The following ELP4 variants were observed in gnomAD, a reference collection of about 807,000 sequenced individuals.
ELP4 encodes elongator acetyltransferase complex subunit 4.
A neutral mutation model predicts 48.9 loss-of-function variants in ELP4; 51 were observed. The observed-to-expected ratio is 1.04, with a 90% CI of 0.83 to 1.32. ELP4 has a LOEUF of 1.32. Among genes scored for constraint, ELP4 ranks in the 40% most tolerant of loss-of-function variants. The pLI is 0.00. For synonymous variants in ELP4, 210 were observed against 189.2 expected, an observed-to-expected ratio of 1.11 and a Z score of -0.90; for missense variants, 519 against 514.6, an observed-to-expected ratio of 1.01 and a Z score of -0.08.
chr11:31,771,030 G>C (rs1227444398), intron 9 of ELP4, among the ~76,000 whole-genome samples: 1 of 152,156 alleles, frequency 6.6e-6, no homozygotes, highest in Non-Finnish European at 1.5e-5. Context: ...TTGCTGTGTA[G>C]CCAAAAGATT....
chr11:31,761,397 T>A (rs1248496993), intron 9 of ELP4, among the ~76,000 whole-genome samples: 1 of 152,128 alleles, frequency 6.6e-6, no homozygotes, highest in Non-Finnish European at 1.5e-5. Context: ...ACTCATTTTT[T>A]AACTATACCC....
intron 3 of ELP4, among the ~76,000 whole-genome samples, chr11:31,547,565 G>A (rs1028825087): frequency 7.2e-5 from 11 of 152,060 alleles, no homozygotes; most frequent in Admixed American, 2.0e-4. Context: ...GTACAAGGAG[G>A]AACTGGTACC....
intron 5 of ELP4, 77 bp downstream of exon 5, chr11:31,603,984 G>A: frequency 8.3e-7 from 1 of 1,205,138 alleles, no homozygotes; most frequent in Non-Finnish European, 1.2e-6. Context: ...ATTTTTGAAA[G>A]AATACACATC....
intron 3 of ELP4, among the ~76,000 whole-genome samples, chr11:31,575,594 G>A (rs988889018): frequency 5.3e-5 from 8 of 152,158 alleles, no homozygotes; most frequent in Non-Finnish European, 7.3e-5. Context: ...CTGATCTCTC[G>A]GCAGACATTC....
intron 9 of ELP4, among the ~76,000 whole-genome samples, chr11:31,777,497 G>T (rs1001764125): frequency 9.2e-5 from 14 of 152,180 alleles, no homozygotes; most frequent in Admixed American, 3.3e-4. Context: ...TGATCATTTT[G>T]CTGTGGCCCT....
chr11:31,750,243 C>A (rs1482108371), intron 9 of ELP4, among the ~76,000 whole-genome samples: 1 of 151,998 alleles, frequency 6.6e-6, no homozygotes, highest in Non-Finnish European at 1.5e-5. Flanking sequence ...TTGTTGCTGG[C>A]AGAATATCAC....
intron 3 of ELP4, among the ~76,000 whole-genome samples, chr11:31,546,536 G>C (rs540934973): frequency 1.3e-5 from 2 of 152,114 alleles, no homozygotes; most frequent in East Asian, 3.9e-4. Flanking sequence ...ATTAATAGTG[G>C]GAGATTTTAA....
intron 9 of ELP4, among the ~76,000 whole-genome samples, chr11:31,708,486 T>A (rs183688379): frequency 1.3e-5 from 2 of 152,298 alleles, no homozygotes; most frequent in Admixed American, 6.5e-5. Flanking sequence ...CCTCATTCCC[T>A]GGCCTAAGGA....
intron 3 of ELP4, among the ~76,000 whole-genome samples, chr11:31,568,329 G>A (rs569529412): frequency 6.6e-6 from 1 of 152,240 alleles, no homozygotes; most frequent in East Asian, 1.9e-4. Flanking sequence ...TCATGAATTG[G>A]AAGAATCAAT....
At chr11:31,511,376 T>C (rs1956001033) in intron 1 of ELP4, 1 of 152,172 alleles carries the variant, frequency 6.6e-6, no homozygotes, top group Non-Finnish European at 1.5e-5. Context: ...TACTAAAACT[T>C]TCCAAACAAA....
chr11:31,666,004 C>CTTTTTTTTTTT (rs35902758), intron 9 of ELP4, among the ~76,000 whole-genome samples: 1 of 85,342 alleles, frequency 1.2e-5, no homozygotes, highest in African/African-American at 5.1e-5. Context: ...GTTTCAAATT[C>CTTTTTTTTTTT]TTTTTTTTTT....
In ELP4 at chr11:31,789,560, G is replaced by C; in HGVS notation, c.*6036G>C. On this transcript the variant is annotated 3_prime_UTR_variant, in exon 10 of 10. Transcript: ENST00000640961. ...TCTTAAATTCGTGGCAAAGCTTGTT[G>C]ATCATGGTTTTCTTTTTAAAAAAAA... 1.7e-6 allele frequency: 1 copy of C among 601,422 alleles called. No individual in the cohort carries two copies. Among genetic ancestry groups the C allele is most frequent in the South Asian group, 2.1e-5 (1 of 47,540 alleles). The allele number at this position is 601,422 out of a possible 1,614,324, so 37.3% of individuals were successfully genotyped here. A position where few individuals can be genotyped will look rare whatever the true frequency, so the allele number is the denominator to read the frequency against.
chr11:31,654,507 C>T (rs1429877305), intron 9 of ELP4: 1 of 151,626 alleles, frequency 6.6e-6, no homozygotes, highest in African/African-American at 2.4e-5. Context: ...TTTATGTACT[C>T]ATGTAATAGA....
intron 9 of ELP4, chr11:31,653,578 G>A (rs189348445): frequency 8.6e-5 from 13 of 151,802 alleles, no homozygotes; most frequent in Admixed American, 7.9e-4. Flanking sequence ...CATAAATGGT[G>A]TCTTTTTCAT....
chr11:31,594,779 G>A lies in ELP4; in HGVS notation c.391G>A (p.Ala131Thr). ...DPANILQELP[A>T]PLLDDKCKKE... Reference sequence around the variant, plus strand: ...CATTTTGTTTTCTTAGGAACTTCCAGCACCATTACTTGATGATAAATGTAA... The same window carrying A: ...CATTTTGTTTTCTTAGGAACTTCCAACACCATTACTTGATGATAAATGTAA... The change falls in exon 4 of 10, where the codon GCA (alanine) becomes ACA (threonine). Residue 131 changes from alanine to threonine, a missense_variant. Coordinates refer to ENST00000640961, the MANE Select transcript of ELP4 (RefSeq NM_019040.5). The A allele has an allele frequency of 2.0e-6, 3 of 1,514,838 alleles. No individual in the cohort carries two copies. Among genetic ancestry groups the A allele is most frequent in the Non-Finnish European group, 2.6e-6 (3 of 1,140,424 alleles). 93.8% of individuals were successfully genotyped at this position (1,514,838 alleles called of 1,614,324 possible).
At chr11:31,605,423 A>G (rs550498176) in intron 5 of ELP4, among the ~76,000 whole-genome samples, 15 of 152,104 alleles carry the variant, frequency 9.9e-5, no homozygotes, top group Admixed American at 2.0e-4. Context: ...AGCTTGCGAA[A>G]TAGGTCAGGG....
chr11:31,620,399 G>A lies in ELP4; in HGVS notation c.654-6711G>A, dbSNP rs117456758. Among the ~76,000 whole-genome samples, 1,117 of 152,052 alleles carry A rather than the reference G, an allele frequency of 7.3e-3. 7 individuals are homozygous for A. The highest frequency in any genetic ancestry group is 0.012 in the Non-Finnish European group (795 of 67,946). On this transcript the variant is annotated intron_variant, in intron 5 of 9. Transcript: ENST00000640961. ...AGACAATGATATAGAGATCTCAGCA[G>A]GGTCAAATGATTGCCTATGGGTACT...
At chr11:31,592,690 G>C (rs954521469) in intron 3 of ELP4, among the ~76,000 whole-genome samples, 3 of 151,332 alleles carry the variant, frequency 2.0e-5, no homozygotes, top group Middle Eastern at 3.5e-3. Context: ...TATTAAACTT[G>C]GAATCATTAT....
chr11:31,789,912 CTTTTTTTT>C lies in ELP4; in HGVS notation c.*6404_*6411del. On this transcript the variant is annotated 3_prime_UTR_variant, in exon 10 of 10. Transcript: ENST00000640961. ...CTGAATTAACACAATATTTCCTTTC[CTTTTTTTT>C]TTTTTTTTTTTTTTTACTGTAATCT... 11 of 1,045,940 alleles carry C rather than the reference CTTTTTTTT, an allele frequency of 1.1e-5. No homozygotes were observed. The highest frequency in any genetic ancestry group is 2.2e-5 in the African/African-American group (1 of 46,250). 64.8% of individuals were successfully genotyped at this position (1,045,940 alleles called of 1,614,324 possible).
Sources: allele counts gnomAD v4.1 joint callset (sites outside exome capture counted in the v4.1 genomes callset), GRCh38; gene constraint gnomAD v4.1.1; transcripts MANE v1.5; gene names NCBI Gene and HGNC (gene_info 2026-07-23, HGNC 2026-07-21).